EFNA5: variants seen among roughly 807,000 people sequenced by gnomAD.
EFNA5 encodes the protein ephrin A5.
Under a neutral mutation model 22.9 loss-of-function variants are expected in EFNA5, and 5 were observed. The ratio of observed to expected loss-of-function variants is 0.22; its 90% CI spans 0.11 to 0.46. The LOEUF is 0.46. Among genes scored for constraint, EFNA5 ranks in the 20% least tolerant of loss-of-function variants. EFNA5 has a pLI of 0.99. For synonymous variants in EFNA5, 113 were observed against 112.2 expected, an observed-to-expected ratio of 1.01 and a Z score of -0.04; for missense variants, 237 against 293.3, an observed-to-expected ratio of 0.81 and a Z score of 1.40.
chr5:107,479,494 T>C (rs1338128848), intron 1 of EFNA5, among the ~76,000 whole-genome samples: 1 of 152,094 alleles, frequency 6.6e-6, no homozygotes, highest in Non-Finnish European at 1.5e-5. Context: ...TAGCTATCCT[T>C]ATTCAGGCCA....
chr5:107,515,522 G>A (rs1224144844), intron 1 of EFNA5, among the ~76,000 whole-genome samples: 1 of 151,682 alleles, frequency 6.6e-6, no homozygotes, highest in Non-Finnish European at 1.5e-5. Context: ...GGGACTACAG[G>A]CATGCGCCAC....
intron 1 of EFNA5, among the ~76,000 whole-genome samples, chr5:107,542,385 G>C (rs1250826151): frequency 6.6e-6 from 1 of 152,168 alleles, no homozygotes; most frequent in African/African-American, 2.4e-5. Context: ...TACAGCTGGT[G>C]TCCAATTAGT....
intron 1 of EFNA5, among the ~76,000 whole-genome samples, chr5:107,465,317 T>C (rs1487622011): frequency 2.0e-5 from 3 of 152,156 alleles, no homozygotes; most frequent in African/African-American, 4.8e-5. Flanking sequence ...TTACCTAACA[T>C]GACAACCCAA....
intron 1 of EFNA5, among the ~76,000 whole-genome samples, chr5:107,562,414 C>G (rs1196766790): frequency 6.6e-6 from 1 of 151,830 alleles, no homozygotes; most frequent in Non-Finnish European, 1.5e-5. Context: ...TATATTTTTT[C>G]TAAATCAGCA....
intron 1 of EFNA5, among the ~76,000 whole-genome samples, chr5:107,525,042 G>A (rs1580511844): frequency 6.6e-6 from 1 of 152,094 alleles, no homozygotes; most frequent in African/African-American, 2.4e-5. Context: ...AAGTATAAGG[G>A]AAAAGAACAC....
At chr5:107,500,071 T>C (rs1284464559) in intron 1 of EFNA5, among the ~76,000 whole-genome samples, 1 of 152,368 alleles carries the variant, frequency 6.6e-6, no homozygotes, top group Non-Finnish European at 1.5e-5. Flanking sequence ...TTCTAACTAA[T>C]GCTTCAGTTG....
At chr5:107,638,068 T>C (rs917503789) in intron 1 of EFNA5, among the ~76,000 whole-genome samples, 1 of 151,842 alleles carries the variant, frequency 6.6e-6, no homozygotes, top group Non-Finnish European at 1.5e-5. Context: ...TTAGCCAGGA[T>C]GGTCTCGATC....
intron 1 of EFNA5, among the ~76,000 whole-genome samples, chr5:107,438,297 C>A (rs1347693029): frequency 6.6e-6 from 1 of 152,174 alleles, no homozygotes; most frequent in African/African-American, 2.4e-5. Context: ...TGGCCCATTG[C>A]CATCCCAATT....
chr5:107,634,613 A>T (rs1189975623), intron 1 of EFNA5, among the ~76,000 whole-genome samples: 2 of 146,438 alleles, frequency 1.4e-5, no homozygotes, highest in African/African-American at 4.9e-5. Flanking sequence ...GGGAGTTCAA[A>T]ACTCAGTAAC....
rs538439039 is a variant in EFNA5 at position 107,407,125 on chromosome 5, G to A, written c.419-19354C>T. ...AAAAACTTATACTAATAACTTGGTA[G>A]TTATTTTCAAAGCATTCCTGCAAAG... On this transcript the variant is annotated intron_variant, in intron 2 of 4. Coordinates refer to ENST00000333274, the MANE Select transcript of EFNA5 (RefSeq NM_001962.3). Among the ~76,000 whole-genome samples, 3 of 152,278 alleles carry A rather than the reference G, an allele frequency of 2.0e-5. No individual in the cohort carries two copies. In the East Asian group the frequency reaches 5.8e-4, roughly 29 times the overall value.
At chr5:107,448,434 G>A (rs469779) in intron 1 of EFNA5, among the ~76,000 whole-genome samples, 48 of 152,320 alleles carry the variant, frequency 3.2e-4, no homozygotes, top group African/African-American at 1.1e-3. Context: ...TCTTATGACT[G>A]CATAGACATG....
chr5:107,629,671 C>G (rs978529610), intron 1 of EFNA5, among the ~76,000 whole-genome samples: 3 of 152,238 alleles, frequency 2.0e-5, no homozygotes, highest in African/African-American at 7.2e-5. Flanking sequence ...ATGCTCATAA[C>G]TAAAGTTGTC....
intron 1 of EFNA5, 81 bp downstream of exon 1, chr5:107,670,408 G>A: frequency 1.2e-5 from 17 of 1,460,772 alleles, no homozygotes; most frequent in Non-Finnish European, 1.5e-5. Context: ...AGCGGTTGGT[G>A]CGCGCCGATC....
At chr5:107,539,930 G>A (rs1203353795) in intron 1 of EFNA5, among the ~76,000 whole-genome samples, 5 of 152,180 alleles carry the variant, frequency 3.3e-5, no homozygotes, top group African/African-American at 4.8e-5. Context: ...GGCTTTTGAA[G>A]TCACACCTTA....
At chr5:107,571,159 G>A (rs1028680755) in intron 1 of EFNA5, among the ~76,000 whole-genome samples, 1 of 152,156 alleles carries the variant, frequency 6.6e-6, no homozygotes, top group African/African-American at 2.4e-5. Flanking sequence ...AGGGCTTAGG[G>A]GCCTACAGAA....
At chr5:107,603,452 T>C (rs1199152847) in intron 1 of EFNA5, among the ~76,000 whole-genome samples, 3 of 152,222 alleles carry the variant, frequency 2.0e-5, no homozygotes, top group South Asian at 4.1e-4. Flanking sequence ...CTGAGATTAG[T>C]AGGCCATACC....
chr5:107,645,635 CT>C (rs1750620412), intron 1 of EFNA5, among the ~76,000 whole-genome samples: 1 of 152,134 alleles, frequency 6.6e-6, no homozygotes, highest in Non-Finnish European at 1.5e-5. Context: ...AGGGGTAGTT[CT>C]TTTCATTCAC....
intron 1 of EFNA5, among the ~76,000 whole-genome samples, chr5:107,576,766 G>T (rs1259203489): frequency 6.6e-6 from 1 of 152,086 alleles, no homozygotes; most frequent in Admixed American, 6.5e-5. Flanking sequence ...AGAGAAGCTT[G>T]CCATACTGTT....
chr5:107,381,229 G>T lies in EFNA5; in HGVS notation c.*26C>A, dbSNP rs373362898. 2.5e-6 allele frequency: 4 copies of T among 1,603,636 alleles called. No homozygotes were observed. The African/African-American group carries it at 5.3e-5, about 21-fold the overall frequency. ...GTGTTCCAAGACCCTGATGTTTTCT[G>T]TGACAAGTGATGGGAGGAGACTGTG... On this transcript the variant is annotated 3_prime_UTR_variant, in exon 5 of 5. Transcript: ENST00000333274.
Sources: allele counts gnomAD v4.1 joint callset (sites outside exome capture counted in the v4.1 genomes callset), GRCh38; gene constraint gnomAD v4.1.1; transcripts MANE v1.5; gene names NCBI Gene and HGNC (gene_info 2026-07-23, HGNC 2026-07-21).